NUFIP2: variants seen among roughly 807,000 people sequenced by gnomAD.
NUFIP2 encodes the protein nuclear FMR1 interacting protein 2, also known as FMR1-interacting protein NUFIP2.
A neutral mutation model predicts 56.9 loss-of-function variants in NUFIP2; 6 were observed. That is an observed-to-expected ratio of 0.11 (90% CI 0.06 to 0.21). The LOEUF is 0.21. Among genes scored for constraint, NUFIP2 ranks in the 10% least tolerant of loss-of-function variants. The probability of loss-of-function intolerance (pLI) is 1.00; values close to 1 mark genes in which losing one functional copy is unlikely to be tolerated. For missense variants in NUFIP2, 828 were observed against 826.8 expected, an observed-to-expected ratio of 1.00 and a Z score of -0.02; for synonymous variants, 321 against 298.2, an observed-to-expected ratio of 1.08 and a Z score of -0.79.
Position 29,264,486 on chromosome 17 carries a change from A to G in NUFIP2, c.*53T>C. On this transcript the variant is annotated 3_prime_UTR_variant, in exon 4 of 4. Transcript: ENST00000225388. ...GGAGCATAAAAGCCTTGTGTCCCCC[A>G]TGAACGATGGCTCTAATGCTGCAGA... The G allele has an allele frequency of 7.8e-7, 1 of 1,277,108 alleles. No homozygotes were observed. The highest frequency in any genetic ancestry group is 1.1e-6 in the Non-Finnish European group (1 of 878,510). 79.1% of individuals were successfully genotyped at this position (1,277,108 alleles called of 1,614,324 possible). A position where few individuals can be genotyped will look rare whatever the true frequency, so the allele number is the denominator to read the frequency against.
At chr17:29,267,224 T>A (rs372011936) in intron 3 of NUFIP2, among the ~76,000 whole-genome samples, 2,232 of 149,660 alleles carry the variant, frequency 0.015, 55 homozygotes, top group African/African-American at 0.051. Flanking sequence ...TTTTTTTTTT[T>A]AATTTAAAAA....
At chr17:29,282,287 T>A (rs1458494305) in intron 2 of NUFIP2, among the ~76,000 whole-genome samples, 1 of 151,746 alleles carries the variant, frequency 6.6e-6, no homozygotes, top group Non-Finnish European at 1.5e-5. Flanking sequence ...TTGGGTGCAG[T>A]GGCTCACACC....
At position 29,262,848 on chromosome 17, in the gene NUFIP2, G is replaced by A. The variant is rs2069011746; in HGVS notation, c.*1691C>T. Reference sequence around the variant, plus strand: ...GGCAGAAATCCAGACTAAAAAGATAGTTACTCTACTCTATGTTGAGTCCAA... The same window carrying A: ...GGCAGAAATCCAGACTAAAAAGATAATTACTCTACTCTATGTTGAGTCCAA... On this transcript the variant is annotated 3_prime_UTR_variant, in exon 4 of 4. Coordinates refer to ENST00000225388, the MANE Select transcript of NUFIP2 (RefSeq NM_020772.3). 1 of 151,940 alleles carries A rather than the reference G, an allele frequency of 6.6e-6. No homozygotes were observed. Among genetic ancestry groups the A allele is most frequent in the Non-Finnish European group, 1.5e-5 (1 of 67,968 alleles). 9.4% of individuals were successfully genotyped at this position (151,940 alleles called of 1,614,324 possible).
chr17:29,284,316 C>T (rs903501713), intron 2 of NUFIP2, among the ~76,000 whole-genome samples: 9 of 152,176 alleles, frequency 5.9e-5, no homozygotes, highest in African/African-American at 2.2e-4. Context: ...TAAACATCAT[C>T]GTTAAACCTC....
At chr17:29,281,796 G>C (rs1205002126) in intron 2 of NUFIP2, among the ~76,000 whole-genome samples, 1 of 142,030 alleles carries the variant, frequency 7.0e-6, no homozygotes, top group East Asian at 2.1e-4. Context: ...AAGGAGCCTT[G>C]CTCTGTCGTC....
At chr17:29,292,004 C>G (rs942001748) in intron 1 of NUFIP2, among the ~76,000 whole-genome samples, 4 of 152,160 alleles carry the variant, frequency 2.6e-5, no homozygotes, top group African/African-American at 9.7e-5. Context: ...TTAACATACG[C>G]TTTCTTACGC....
Position 29,294,104 on chromosome 17 carries a change from C to G in NUFIP2, c.-45G>C. 1.3e-6 allele frequency: 2 copies of G among 1,553,876 alleles called. No homozygotes were observed. The highest frequency in any genetic ancestry group is 8.7e-7 in the Non-Finnish European group (1 of 1,149,296). On this transcript the variant is annotated 5_prime_UTR_variant, in exon 1 of 4. Coordinates refer to ENST00000225388, the MANE Select transcript of NUFIP2 (RefSeq NM_020772.3). ...CTGGCTGAGGCTGCGGGCTGCTGCA[C>G]CGTCAGGATCTGAGACTGCTTCTCA...
At chr17:29,284,105 C>G (rs2069156324) in intron 2 of NUFIP2, among the ~76,000 whole-genome samples, 1 of 152,060 alleles carries the variant, frequency 6.6e-6, no homozygotes, top group Non-Finnish European at 1.5e-5. Context: ...TGGTAATTAC[C>G]CAATTCCCAC....
chr17:29,270,222 C>T (rs753290659), intron 2 of NUFIP2, among the ~76,000 whole-genome samples: 5 of 151,234 alleles, frequency 3.3e-5, no homozygotes, highest in Non-Finnish European at 7.4e-5. Flanking sequence ...TATGGTATGT[C>T]CATCAAATCT....
Position 29,278,437 on chromosome 17 carries a change from G to A in NUFIP2, c.2002+7555C>T, listed in dbSNP as rs563916491. 1.2e-3 allele frequency among the ~76,000 whole-genome samples: 176 copies of A among 151,906 alleles called. 1 individual carries two copies. Among genetic ancestry groups the A allele is most frequent in the Non-Finnish European group, 9.3e-4 (63 of 67,950 alleles). ...AATTTTTTGTATTTTTAGTAGAGAC[G>A]GGGTTTCACCGTGTTAGCCAGGATG... On this transcript the variant is annotated intron_variant, in intron 2 of 3. Transcript: ENST00000225388.
At chr17:29,292,925 C>T (rs1436704412) in intron 1 of NUFIP2, among the ~76,000 whole-genome samples, 1 of 144,146 alleles carries the variant, frequency 6.9e-6, no homozygotes, top group Non-Finnish European at 1.5e-5. Context: ...GGCGCCCCCG[C>T]AGTGCAGGGG....
intron 2 of NUFIP2, among the ~76,000 whole-genome samples, chr17:29,275,884 C>T (rs1056869553): frequency 2.0e-5 from 3 of 151,882 alleles, no homozygotes; most frequent in South Asian, 2.1e-4. Flanking sequence ...AAAAATTAGC[C>T]GGGAGTGGTG....
chr17:29,287,827 G>A (rs2069187648), intron 1 of NUFIP2, 111 bp from the exon 2 acceptor site: 1 of 1,041,410 alleles, frequency 9.6e-7, no homozygotes, highest in Non-Finnish European at 1.3e-6. Context: ...GCTATGAGCT[G>A]TAGCTTTATA....
At chr17:29,291,743 AG>A (rs2069214873) in intron 1 of NUFIP2, among the ~76,000 whole-genome samples, 1 of 152,254 alleles carries the variant, frequency 6.6e-6, no homozygotes, top group African/African-American at 2.4e-5. Flanking sequence ...CTTTTGAACA[AG>A]ATCTAATGCT....
intron 1 of NUFIP2, among the ~76,000 whole-genome samples, chr17:29,291,442 TTAG>T (rs35301048): frequency 0.052 from 7,870 of 152,154 alleles, 278 homozygotes; most frequent in South Asian, 0.16. Flanking sequence ...TAATGTTTTC[TTAG>T]TTATTAGCAT....
chr17:29,267,556 T>C (rs376862804), intron 2 of NUFIP2, 26 bp from the exon 3 acceptor site: 53 of 1,470,072 alleles, frequency 3.6e-5, no homozygotes, highest in Admixed American at 2.6e-4. Flanking sequence ...GAGAATTACA[T>C]ACTAAGTTTT....
At chr17:29,270,545 A>G (rs1389759976) in intron 2 of NUFIP2, among the ~76,000 whole-genome samples, 1 of 152,162 alleles carries the variant, frequency 6.6e-6, no homozygotes, top group African/African-American at 2.4e-5. Flanking sequence ...AATTGATCCA[A>G]TACAACCAAT....
Position 29,264,377 on chromosome 17 carries a change from A to G in NUFIP2, c.*162T>C. The G allele has an allele frequency of 5.3e-6, 1 of 187,684 alleles. No homozygotes were observed. Among genetic ancestry groups the G allele is most frequent in the Non-Finnish European group, 1.1e-5 (1 of 91,752 alleles). 11.6% of individuals were successfully genotyped at this position (187,684 alleles called of 1,614,324 possible). ...TTTCAGTTGCCTTTTTTAAATAACT[A>G]TATATATATATATGTATATATATAT... is the stretch of plus-strand genomic sequence containing the variant. On this transcript the variant is annotated 3_prime_UTR_variant, in exon 4 of 4. Transcript: ENST00000225388.
Position 29,260,421 on chromosome 17 carries a change from A to G in NUFIP2, c.*4118T>C, listed in dbSNP as rs1382368200. ...GAGGATGTGGCCCAGCGGCATAACT[A>G]TACTAATAATACCTGGAAATTGGAC... is the stretch of plus-strand genomic sequence containing the variant. On this transcript the variant is annotated 3_prime_UTR_variant, in exon 4 of 4. Coordinates refer to ENST00000225388, the MANE Select transcript of NUFIP2 (RefSeq NM_020772.3). 6.6e-6 allele frequency: 1 copy of G among 152,244 alleles called. No individual in the cohort carries two copies. 9.4% of individuals were successfully genotyped at this position (152,244 alleles called of 1,614,324 possible).
Sources: gnomAD v4.1 joint callset for allele counts (sites outside exome capture counted in the v4.1 genomes callset) on GRCh38, gnomAD v4.1.1 for gene constraint, MANE v1.5 for transcripts, NCBI Gene and HGNC (gene_info 2026-07-23, HGNC 2026-07-21) for gene names.